NEK11: variants seen among roughly 807,000 people sequenced by gnomAD.
NEK11 encodes serine/threonine-protein kinase Nek11.
Under a neutral mutation model 80.7 loss-of-function variants are expected in NEK11, and 72 were observed. The observed-to-expected ratio is 0.89, with a 90% CI of 0.74 to 1.08. The LOEUF (loss-of-function observed/expected upper bound fraction) is 1.08, where lower values mean the gene tolerates loss of function less well. Among genes scored for constraint, NEK11 ranks in the 50% least tolerant of loss-of-function variants. NEK11 has a pLI of 0.00. For synonymous variants in NEK11, 251 were observed against 260.7 expected, an observed-to-expected ratio of 0.96 and a Z score of 0.36; for missense variants, 764 against 763.6, an observed-to-expected ratio of 1.00 and a Z score of -0.01.
At chr3:131,181,054 G>A (rs894425073) in intron 14 of NEK11, among the ~76,000 whole-genome samples, 6 of 152,232 alleles carry the variant, frequency 3.9e-5, no homozygotes, top group Non-Finnish European at 8.8e-5. Flanking sequence ...TCCTAAGGCT[G>A]TCCTAATCCT....
chr3:131,279,390 AAGG>A, intron 17 of NEK11, among the ~76,000 whole-genome samples: 1 of 152,320 alleles, frequency 6.6e-6, no homozygotes, highest in Non-Finnish European at 1.5e-5. Context: ...TTATTTTAAT[AAGG>A]AGTATATAAT....
intron 17 of NEK11, chr3:131,330,448 T>TG (rs1352408340): frequency 6.6e-6 from 1 of 152,234 alleles, no homozygotes; most frequent in Non-Finnish European, 1.5e-5. Flanking sequence ...TGAAACTAGA[T>TG]GACCCACCTT....
At position 131,160,980 on chromosome 3, in the gene NEK11, C is replaced by T. The variant is rs571345637; in HGVS notation, c.963-1428C>T. Among the ~76,000 whole-genome samples the T allele has an allele frequency of 9.9e-5, 15 of 152,090 alleles. No homozygotes were observed. The South Asian group carries it at 2.3e-3, about 23-fold the overall frequency. On this transcript the variant is annotated intron_variant, in intron 10 of 17. Coordinates refer to ENST00000383366, the MANE Select transcript of NEK11 (RefSeq NM_024800.5). ...ATGGTGGATCATGAGGTCAAGAGATCGAGACCATCCTGGCCAACACGGTGA... is the reference window on the plus strand; with the variant it reads ...ATGGTGGATCATGAGGTCAAGAGATTGAGACCATCCTGGCCAACACGGTGA...
intron 2 of NEK11, among the ~76,000 whole-genome samples, chr3:131,028,954 T>G (rs1425309839): frequency 6.6e-6 from 1 of 152,236 alleles, no homozygotes; most frequent in Non-Finnish European, 1.5e-5. Context: ...AATGGGATTT[T>G]AGGTTTGAAT....
intron 7 of NEK11, among the ~76,000 whole-genome samples, chr3:131,145,973 A>T (rs2088135185): frequency 6.6e-6 from 1 of 152,124 alleles, no homozygotes; most frequent in African/African-American, 2.4e-5. Context: ...TATAATTATC[A>T]TTATTGTTGT....
intron 17 of NEK11, among the ~76,000 whole-genome samples, chr3:131,304,883 A>G (rs1007095635): frequency 7.9e-5 from 12 of 152,184 alleles, no homozygotes; most frequent in African/African-American, 2.4e-4. Flanking sequence ...CATGGGGTAT[A>G]CATGTGTCAG....
At chr3:131,171,940 C>T (rs192696842) in intron 14 of NEK11, among the ~76,000 whole-genome samples, 183 of 152,182 alleles carry the variant, frequency 1.2e-3, no homozygotes, top group African/African-American at 4.1e-3. Flanking sequence ...ACAATTGCAA[C>T]GTTACTTTTA....
intron 3 of NEK11, among the ~76,000 whole-genome samples, chr3:131,062,370 TTTC>T (rs1228127396): frequency 6.6e-6 from 1 of 152,244 alleles, no homozygotes; most frequent in African/African-American, 2.4e-5. Context: ...CTTTGCAGAC[TTTC>T]TCTCCTCTGC....
chr3:131,167,158 C>T (rs2092307756), intron 12 of NEK11, among the ~76,000 whole-genome samples: 1 of 152,174 alleles, frequency 6.6e-6, no homozygotes, highest in African/African-American at 2.4e-5. Context: ...TATGTACACT[C>T]TGATTAATAA....
intron 14 of NEK11, among the ~76,000 whole-genome samples, chr3:131,219,399 G>A (rs1476237426): frequency 6.6e-6 from 1 of 152,004 alleles, no homozygotes; most frequent in Non-Finnish European, 1.5e-5. Context: ...GTCAGGGGGT[G>A]GGGGACTAGG....
intron 3 of NEK11, among the ~76,000 whole-genome samples, chr3:131,072,819 A>G (rs1419358445): frequency 6.6e-6 from 1 of 152,152 alleles, no homozygotes; most frequent in Non-Finnish European, 1.5e-5. Flanking sequence ...GCTTTTATGG[A>G]GGCTGTGACT....
At chr3:131,231,243 C>A (rs1043421987) in intron 15 of NEK11, among the ~76,000 whole-genome samples, 5 of 149,868 alleles carry the variant, frequency 3.3e-5, no homozygotes, top group Admixed American at 1.3e-4. Context: ...GCTCTGTTGC[C>A]CAGACTGGAG....
chr3:131,221,304 A>C (rs964931319), intron 14 of NEK11, among the ~76,000 whole-genome samples: 9 of 152,196 alleles, frequency 5.9e-5, no homozygotes, highest in Non-Finnish European at 1.3e-4. Flanking sequence ...GTGCTGAATT[A>C]GTGGTTCTCA....
At chr3:131,260,547 T>G (rs571042757) in intron 16 of NEK11, among the ~76,000 whole-genome samples, 4 of 152,304 alleles carry the variant, frequency 2.6e-5, no homozygotes, top group Non-Finnish European at 4.4e-5. Context: ...ACCTATTGCC[T>G]ATAGCTATTT....
intron 17 of NEK11, among the ~76,000 whole-genome samples, chr3:131,283,554 C>G (rs1328328825): frequency 6.6e-6 from 1 of 151,040 alleles, no homozygotes; most frequent in East Asian, 1.9e-4. Flanking sequence ...GTGTGTATCA[C>G]TAGAATGTAC....
intron 17 of NEK11, among the ~76,000 whole-genome samples, chr3:131,345,263 G>C (rs2097345215): frequency 6.6e-6 from 1 of 152,098 alleles, no homozygotes; most frequent in Non-Finnish European, 1.5e-5. Flanking sequence ...ACAACCTACA[G>C]ACTGGGAAAA....
chr3:131,349,621 A>G lies in NEK11; in HGVS notation c.1783A>G (p.Arg595Gly), dbSNP rs2097424257. Residue 595 changes from arginine (R) to glycine (G), a missense_variant, in exon 18 of 18, where the codon AGG becomes GGG. Transcript: ENST00000383366. ...GGTCTATAATTACCTCAAGAGAGCA[A>G]GGCATCAGAATGCTAGCGAAGCAGA... ...EEVYNYLKRA[R>G]HQNASEAEIR... The G allele has an allele frequency of 6.2e-7, 1 of 1,614,086 alleles. No individual in the cohort carries two copies. The highest frequency in any genetic ancestry group is 8.5e-7 in the Non-Finnish European group (1 of 1,180,038).
chr3:131,314,045 A>G (rs1423058145), intron 17 of NEK11, among the ~76,000 whole-genome samples: 2 of 152,196 alleles, frequency 1.3e-5, no homozygotes, highest in Non-Finnish European at 2.9e-5. Flanking sequence ...TTGTTTAACT[A>G]TACCCAGTAT....
At chr3:131,316,371 C>T (rs1554009908) in intron 17 of NEK11, among the ~76,000 whole-genome samples, 1 of 152,148 alleles carries the variant, frequency 6.6e-6, no homozygotes, top group Non-Finnish European at 1.5e-5. Flanking sequence ...CTGTTCCCCT[C>T]CCCAGCTTTA....
Sources: allele counts gnomAD v4.1 joint callset (sites outside exome capture counted in the v4.1 genomes callset), GRCh38; gene constraint gnomAD v4.1.1; transcripts MANE v1.5; gene names NCBI Gene and HGNC (gene_info 2026-07-23, HGNC 2026-07-21).